VPS4B: variants seen among roughly 807,000 people sequenced by gnomAD.
VPS4B encodes the protein vacuolar protein sorting 4 homolog B, also known as vacuolar protein sorting-associated protein 4B.
In VPS4B, 23 loss-of-function variants were observed where a neutral mutation model predicts 56.1. The ratio of observed to expected loss-of-function variants is 0.41; its 90% CI spans 0.30 to 0.58. The LOEUF (loss-of-function observed/expected upper bound fraction) is 0.58, where lower values mean the gene tolerates loss of function less well. Ranked by LOEUF, VPS4B falls within the 20% of genes least tolerant of loss-of-function variation. VPS4B has a pLI of 0.29. For missense variants in VPS4B, 372 were observed against 531.9 expected (o/e 0.70, Z 2.96); for synonymous variants, 177 against 186.0 (o/e 0.95, Z 0.39).
At chr18:63,392,150 A>G (rs1486215184) in intron 10 of VPS4B, among the ~76,000 whole-genome samples, 11 of 152,234 alleles carry the variant, frequency 7.2e-5, no homozygotes, top group Non-Finnish European at 1.2e-4. Context: ...GGAAGTTACT[A>G]TTAAACCTGC....
intron 1 of VPS4B, among the ~76,000 whole-genome samples, chr18:63,418,416 T>A (rs1018156620): frequency 2.9e-5 from 4 of 139,494 alleles, no homozygotes; most frequent in African/African-American, 5.7e-5. Context: ...AGTTTTAGTA[T>A]TTTTTTTTTT....
chr18:63,394,957 C>T (rs1249079067), intron 9 of VPS4B, among the ~76,000 whole-genome samples: 6 of 152,116 alleles, frequency 3.9e-5, no homozygotes, highest in African/African-American at 1.2e-4. Context: ...GATCTACCAC[C>T]GGTCCCAGAT....
intron 1 of VPS4B, among the ~76,000 whole-genome samples, chr18:63,414,243 G>A (rs903791803): frequency 6.6e-6 from 1 of 151,350 alleles, no homozygotes; most frequent in African/African-American, 2.4e-5. Flanking sequence ...TTAGCCAGGC[G>A]CCTGTAATCC....
intron 1 of VPS4B, among the ~76,000 whole-genome samples, chr18:63,416,770 G>C (rs552351671): frequency 3.7e-4 from 56 of 152,310 alleles, no homozygotes; most frequent in African/African-American, 1.3e-3. Context: ...AGCCCAAGCA[G>C]TTGAACCCTT....
intron 9 of VPS4B, among the ~76,000 whole-genome samples, chr18:63,395,027 G>A (rs1473802158): frequency 2.0e-5 from 3 of 152,106 alleles, no homozygotes; most frequent in Admixed American, 6.5e-5. Flanking sequence ...TCTTCTTCTT[G>A]TTAACTGAAA....
intron 1 of VPS4B, among the ~76,000 whole-genome samples, chr18:63,420,729 T>G (rs970041950): frequency 9.2e-5 from 14 of 152,014 alleles, no homozygotes; most frequent in African/African-American, 3.4e-4. Flanking sequence ...GAATCTTAGT[T>G]TAATACAACC....
intron 1 of VPS4B, among the ~76,000 whole-genome samples, chr18:63,413,396 A>G (rs971678075): frequency 3.3e-5 from 5 of 152,102 alleles, no homozygotes; most frequent in African/African-American, 1.2e-4. Context: ...AAAATTGACC[A>G]GGCGTAGCGG....
intron 8 of VPS4B, among the ~76,000 whole-genome samples, chr18:63,398,168 TACATATAC>T (rs1915713856): frequency 3.3e-5 from 5 of 149,304 alleles, no homozygotes; most frequent in South Asian, 2.1e-4. Context: ...TATACATATA[TACATATAC>T]ACATATACAT....
At chr18:63,394,508 CCAGG>C (rs1915627075) in intron 9 of VPS4B, among the ~76,000 whole-genome samples, 1 of 151,744 alleles carries the variant, frequency 6.6e-6, no homozygotes, top group African/African-American at 2.4e-5. Flanking sequence ...GCTTTGTAGC[CCAGG>C]CTGGAGGGCA....
At chr18:63,404,173 G>A (rs544819661) in intron 4 of VPS4B, among the ~76,000 whole-genome samples, 6 of 152,182 alleles carry the variant, frequency 3.9e-5, no homozygotes, top group East Asian at 1.9e-4. Flanking sequence ...AGCACCAAAC[G>A]TTCCATAAGG....
chr18:63,398,209 A>G (rs899365568), intron 8 of VPS4B, among the ~76,000 whole-genome samples: 1 of 98,744 alleles, frequency 1.0e-5, no homozygotes, highest in African/African-American at 3.5e-5. Context: ...ACACACATAT[A>G]TATATATATA....
chr18:63,399,777 T>C (rs930762008), intron 7 of VPS4B, among the ~76,000 whole-genome samples: 1 of 152,214 alleles, frequency 6.6e-6, no homozygotes. Flanking sequence ...AACAGTTTGT[T>C]AGAATGGAGA....
intron 1 of VPS4B, among the ~76,000 whole-genome samples, chr18:63,414,122 C>T (rs972283777): frequency 6.6e-6 from 1 of 150,916 alleles, no homozygotes; most frequent in Non-Finnish European, 1.5e-5. Flanking sequence ...TGGCTCACGC[C>T]TGTAATCCCA....
intron 8 of VPS4B, among the ~76,000 whole-genome samples, chr18:63,398,734 C>A (rs1915740808): frequency 6.6e-6 from 1 of 151,140 alleles, no homozygotes; most frequent in Non-Finnish European, 1.5e-5. Flanking sequence ...ACTTGGGAGG[C>A]TGAGGCAGGA....
intron 3 of VPS4B, 148 bp downstream of exon 3, chr18:63,410,142 G>T: frequency 9.8e-7 from 1 of 1,020,526 alleles, no homozygotes; most frequent in Non-Finnish European, 1.4e-6. Flanking sequence ...GGGCACGGCT[G>T]TGTTCTGATA....
chr18:63,415,686 C>T, intron 1 of VPS4B: 1 of 242,258 alleles, frequency 4.1e-6, no homozygotes. Context: ...CAGCACTTCA[C>T]TGTCCCCTCC....
intron 1 of VPS4B, among the ~76,000 whole-genome samples, chr18:63,418,768 A>T (rs978479074): frequency 6.6e-6 from 1 of 152,142 alleles, no homozygotes; most frequent in Non-Finnish European, 1.5e-5. Context: ...TCGCTAATCC[A>T]TAGAATTTCT....
At chr18:63,393,286 G>T in intron 10 of VPS4B, 123 bp downstream of exon 10, 1 of 888,136 alleles carries the variant, frequency 1.1e-6, no homozygotes, top group South Asian at 3.9e-5. Context: ...TTTTTAATGA[G>T]TCAACAATAT....
At chr18:63,404,147 T>C (rs73472632) in intron 4 of VPS4B, among the ~76,000 whole-genome samples, 8,381 of 152,156 alleles carry the variant, frequency 0.055, 733 homozygotes, top group African/African-American at 0.18. Context: ...ATAATGAATA[T>C]TAGAGTGTTT....
Sources: gnomAD v4.1 joint callset for allele counts (sites outside exome capture counted in the v4.1 genomes callset) on GRCh38, gnomAD v4.1.1 for gene constraint, MANE v1.5 for transcripts, NCBI Gene and HGNC (gene_info 2026-07-23, HGNC 2026-07-21) for gene names.